The following CDK9 variants were observed in gnomAD, a reference collection of about 807,000 sequenced individuals.
CDK9 encodes cyclin dependent kinase 9.
CDK9 carries 34 observed loss-of-function variants against 39.0 expected under a neutral mutation model. The observed-to-expected ratio is 0.87, with a 90% confidence interval of 0.66 to 1.16. The LOEUF (loss-of-function observed/expected upper bound fraction) is 1.16, where lower values mean the gene tolerates loss of function less well. Ranked by LOEUF, CDK9 falls within the 50% of genes most tolerant of loss-of-function variation. CDK9 has a pLI of 0.00. For synonymous variants in CDK9, 233 were observed against 196.2 expected (o/e 1.19, Z -1.57); for missense variants, 369 against 503.2 (o/e 0.73, Z 2.55).
chr9:127,788,833 T>G (rs1407613336), intron 6 of CDK9, 141 bp downstream of exon 6: 3 of 894,488 alleles, frequency 3.4e-6, no homozygotes, highest in Non-Finnish European at 4.9e-6. Context: ...GGGGAGTGTG[T>G]GGGAGAAAAA....
Position 127,789,033 on chromosome 9 carries a change from G to T in CDK9, c.754-145G>T. Reference sequence around the variant, plus strand: ...ACGTGGTATGTGCCAATCCATAGCGGGCACTGCTTCTGGGAGGGGTCGAGT... The same window carrying T: ...ACGTGGTATGTGCCAATCCATAGCGTGCACTGCTTCTGGGAGGGGTCGAGT... On this transcript the variant is annotated intron_variant, in intron 6 of 6. Coordinates refer to ENST00000373264, the MANE Select transcript of CDK9 (RefSeq NM_001261.4). The surrounding 1 kb of genome is among the most constrained non-coding windows in gnomAD (Gnocchi z 5.2). The T allele has an allele frequency of 9.5e-7, 1 of 1,047,124 alleles. No individual in the cohort carries two copies. The highest frequency in any genetic ancestry group is 1.4e-6 in the Non-Finnish European group (1 of 733,976). The allele number at this position is 1,047,124 out of a possible 1,614,324, so 64.9% of individuals were successfully genotyped here. A position where few individuals can be genotyped will look rare whatever the true frequency, so the allele number is the denominator to read the frequency against.
Position 127,789,621 on chromosome 9 carries a change from G to T in CDK9, c.*78G>T. 5.2e-6 allele frequency: 8 copies of T among 1,528,502 alleles called. No homozygotes were observed. The highest frequency in any genetic ancestry group is 7.0e-6 in the Non-Finnish European group (8 of 1,135,100). 94.7% of individuals were successfully genotyped at this position (1,528,502 alleles called of 1,614,324 possible). ...CTTGCATCGTGGAGACAGGGCATTTGAGTTTATATCTCTCATGCATATTTT... is the reference window on the plus strand; with the variant it reads ...CTTGCATCGTGGAGACAGGGCATTTTAGTTTATATCTCTCATGCATATTTT... On this transcript the variant is annotated 3_prime_UTR_variant, in exon 7 of 7. Transcript: ENST00000373264. This position sits in a 1 kb window ranked among gnomAD's most constrained non-coding sequence, Gnocchi z 5.2.
chr9:127,789,648 T>C lies in CDK9; in HGVS notation c.*105T>C. 1 of 1,419,742 alleles carries C rather than the reference T, an allele frequency of 7.0e-7. No homozygotes were observed. Among genetic ancestry groups the C allele is most frequent in the South Asian group, 1.4e-5 (1 of 72,664 alleles). The allele number at this position is 1,419,742 out of a possible 1,614,324, so 87.9% of individuals were successfully genotyped here. A position where few individuals can be genotyped will look rare whatever the true frequency, so the allele number is the denominator to read the frequency against. On this transcript the variant is annotated 3_prime_UTR_variant, in exon 7 of 7. Coordinates refer to ENST00000373264, the MANE Select transcript of CDK9 (RefSeq NM_001261.4). The surrounding 1 kb of genome is among the most constrained non-coding windows in gnomAD (Gnocchi z 5.2). ...GTTTATATCTCTCATGCATATTTTA[T>C]TTAATCCCCACCCTGGGCTCTGGGA...
At position 127,788,039 on chromosome 9, in the gene CDK9, A is replaced by C; in HGVS notation, c.358A>C (p.Lys120Gln). 6.2e-7 allele frequency: 1 copy of C among 1,614,230 alleles called. No homozygotes were observed. Among genetic ancestry groups the C allele is most frequent in the Non-Finnish European group, 8.5e-7 (1 of 1,180,036 alleles). ...LAGLLSNVLV[K>Q]FTLSEIKRVM... Reference sequence around the variant, plus strand: ...TGGGCTGTTGAGCAATGTTTTGGTCAAGTTCACGCTGTCTGAGATCAAGAG... The same window carrying C: ...TGGGCTGTTGAGCAATGTTTTGGTCCAGTTCACGCTGTCTGAGATCAAGAG... Residue 120 changes from lysine to glutamine, a missense_variant, in exon 4 of 7, where the codon AAG becomes CAG. Transcript: ENST00000373264.
intron 3 of CDK9, 98 bp downstream of exon 3, chr9:127,787,706 C>A: frequency 2.1e-6 from 2 of 964,682 alleles, no homozygotes; most frequent in Middle Eastern, 2.1e-4. Flanking sequence ...CTTCTTAACT[C>A]AGATGGACCC....
Position 127,786,118 on chromosome 9 carries a change from T to TGGG in CDK9, c.-28_-26dup. On this transcript the variant is annotated 5_prime_UTR_variant, in exon 1 of 7. Coordinates refer to ENST00000373264, the MANE Select transcript of CDK9 (RefSeq NM_001261.4). ...GAGCAGGAGCGGCGGCAGCAGCGAC[T>TGGG]GGGGGCGGCGGCGGCGCGTTGGAGG... is the stretch of plus-strand genomic sequence containing the variant. 1 of 1,546,098 alleles carries TGGG rather than the reference T, an allele frequency of 6.5e-7. No individual in the cohort carries two copies. Among genetic ancestry groups the TGGG allele is most frequent in the East Asian group, 2.4e-5 (1 of 41,050 alleles).
chr9:127,787,653 G>C, intron 3 of CDK9, 45 bp downstream of exon 3: 1 of 1,431,248 alleles, frequency 7.0e-7, no homozygotes, highest in South Asian at 1.1e-5. Context: ...TGTAGCCTAA[G>C]GTTTTGTTTG....
chr9:127,786,518 G>A (rs919422474), intron 1 of CDK9, among the ~76,000 whole-genome samples, 183 bp from the exon 2 acceptor site: 5 of 152,208 alleles, frequency 3.3e-5, no homozygotes, highest in African/African-American at 7.2e-5. Context: ...AGGGACTGAG[G>A]GAAGGAAGCA....
At position 127,786,227 on chromosome 9, in the gene CDK9, C is replaced by T; in HGVS notation, c.79C>T (p.Gln27Ter). Residue 27 changes from glutamine (Q) to a stop codon, truncating the protein, a stop_gained, in exon 1 of 7, where the codon CAA (glutamine) becomes TAA (stop). Coordinates refer to ENST00000373264, the MANE Select transcript of CDK9 (RefSeq NM_001261.4). LOFTEE classifies it high-confidence loss of function. ...ATACGAGAAGCTCGCCAAGATCGGC[C>T]AAGGCACCTTCGGGTAAGGCTGGGC... ...SKYEKLAKIG[Q>*]GTFGEVFKAR... 1 of 1,608,790 alleles carries T rather than the reference C, an allele frequency of 6.2e-7. No homozygotes were observed. Among genetic ancestry groups the T allele is most frequent in the Non-Finnish European group, 8.5e-7 (1 of 1,178,058 alleles).
In CDK9 at chr9:127,788,689, T is replaced by C. The variant is rs1305793396; in HGVS notation, c.750T>C (p.Pro250=). The change falls in exon 6 of 7, where the codon CCT becomes CCC. Residue 250 remains proline (P), a synonymous_variant. Transcript: ENST00000373264. ...LISQLCGSIT[P]EVWPNVDNYE... is the part of the protein sequence containing the mutation. ...GTCAGCTCTGCGGCTCCATCACCCC[T>C]GAGGTACGGGGCCCCGGTCCCCACG... The C allele has an allele frequency of 6.3e-7, 1 of 1,597,808 alleles. No individual in the cohort carries two copies. The highest frequency in any genetic ancestry group is 1.7e-5 in the Admixed American group (1 of 57,794).
rs1285128911 is a variant in CDK9 at position 127,786,064 on chromosome 9, G to A, written c.-85G>A. On this transcript the variant is annotated 5_prime_UTR_variant, in exon 1 of 7. Transcript: ENST00000373264. ...GGCGGAAGTGGCGCGGCCGCGGAGG[G>A]GCCTGGAGTGCGGCGGCGGCGGGAC... 1.6e-5 allele frequency: 16 copies of A among 979,544 alleles called. No homozygotes were observed. Among genetic ancestry groups the A allele is most frequent in the Non-Finnish European group, 2.2e-5 (15 of 673,830 alleles). 60.7% of individuals were successfully genotyped at this position (979,544 alleles called of 1,614,324 possible).
At chr9:127,788,427 A>G (rs1388724744) in intron 5 of CDK9, 42 bp downstream of exon 5, 6 of 1,586,032 alleles carry the variant, frequency 3.8e-6, no homozygotes, top group Non-Finnish European at 5.1e-6. Flanking sequence ...AGGGCCAGGC[A>G]TCTACCTGGC....
At chr9:127,787,477 C>T (rs975469357) in intron 2 of CDK9, 41 bp from the exon 3 acceptor site, 3 of 1,422,074 alleles carry the variant, frequency 2.1e-6, no homozygotes, top group Admixed American at 3.3e-5. Context: ...GGGCTCTGTA[C>T]TGCGCTCACT....
intron 1 of CDK9, 116 bp from the exon 2 acceptor site, chr9:127,786,585 C>G (rs1053172655): frequency 4.3e-6 from 4 of 935,850 alleles, no homozygotes; most frequent in Non-Finnish European, 6.5e-6. Flanking sequence ...CCCTGGGTAC[C>G]TAGCCCAGCC....
Position 127,786,160 on chromosome 9 carries a change from G to T in CDK9, c.12G>T (p.Gln4His). The T allele has an allele frequency of 2.5e-6, 4 of 1,606,856 alleles. No homozygotes were observed. Among genetic ancestry groups the T allele is most frequent in the Non-Finnish European group, 3.4e-6 (4 of 1,177,382 alleles). Residue 4 changes from glutamine (Q) to histidine (H), a missense_variant, in exon 1 of 7, where the codon CAG (glutamine) becomes CAT (histidine). Transcript: ENST00000373264. MAKQYDSVECPFCD... is the reference protein window; with the variant it reads MAKHYDSVECPFCD... ...CGTTGGAGGCGGCCATGGCAAAGCA[G>T]TACGACTCGGTGGAGTGCCCTTTTT...
At position 127,789,773 on chromosome 9, in the gene CDK9, G is replaced by A. The variant is rs1829395320; in HGVS notation, c.*230G>A. ...TGGTTTTCTGGATGGTTCCCAGAGG[G>A]TTTCCATGGGGTAGGAGGATGGGCT... On this transcript the variant is annotated 3_prime_UTR_variant, in exon 7 of 7. Transcript: ENST00000373264. The surrounding 1 kb of genome is among the most constrained non-coding windows in gnomAD (Gnocchi z 5.2). The A allele has an allele frequency of 1.4e-5, 8 of 590,596 alleles. No individual in the cohort carries two copies. The Admixed American group carries it at 2.6e-4, about 19-fold the overall frequency. 36.6% of individuals were successfully genotyped at this position (590,596 alleles called of 1,614,324 possible).
At position 127,786,682 on chromosome 9, in the gene CDK9, T is replaced by A; in HGVS notation, c.93-19T>A. ...GGAAATGGCCTGATGAGTTCTCGGG[T>A]CTCCCTTTCCGCCTGCAGGGAGGTG... is the stretch of plus-strand genomic sequence containing the variant. On this transcript the variant is annotated intron_variant, in intron 1 of 6. Transcript: ENST00000373264. 6.2e-7 allele frequency: 1 copy of A among 1,609,870 alleles called. No homozygotes were observed. Among genetic ancestry groups the A allele is most frequent in the Non-Finnish European group, 8.5e-7 (1 of 1,177,436 alleles).
Position 127,789,045 on chromosome 9 carries a change from G to C in CDK9, c.754-133G>C. On this transcript the variant is annotated intron_variant, in intron 6 of 6. Transcript: ENST00000373264. This position sits in a 1 kb window ranked among gnomAD's most constrained non-coding sequence, Gnocchi z 5.2. ...CCAATCCATAGCGGGCACTGCTTCT[G>C]GGAGGGGTCGAGTAGCAGTCTGGGA... The C allele has an allele frequency of 8.4e-7, 1 of 1,188,448 alleles. No homozygotes were observed. Among genetic ancestry groups the C allele is most frequent in the Non-Finnish European group, 1.2e-6 (1 of 859,392 alleles). 73.6% of individuals were successfully genotyped at this position (1,188,448 alleles called of 1,614,324 possible). A position where few individuals can be genotyped will look rare whatever the true frequency, so the allele number is the denominator to read the frequency against.
At chr9:127,786,345 C>G (rs1028429653) in intron 1 of CDK9, 105 bp downstream of exon 1, 1 of 958,756 alleles carries the variant, frequency 1.0e-6, no homozygotes, top group Admixed American at 2.2e-5. Flanking sequence ...CGTCTGTCCC[C>G]GGGCTTGCCT....
Sources: allele counts gnomAD v4.1 joint callset (sites outside exome capture counted in the v4.1 genomes callset), GRCh38; gene constraint gnomAD v4.1.1; non-coding constraint Gnocchi (gnomAD v3.1); transcripts MANE v1.5; gene names NCBI Gene and HGNC (gene_info 2026-07-23, HGNC 2026-07-21).